ZMYM1: variants seen among roughly 807,000 people sequenced by gnomAD.
ZMYM1 encodes zinc finger MYM-type containing 1.
Under a neutral mutation model 60.0 loss-of-function variants are expected in ZMYM1, and 39 were observed. That is an observed-to-expected ratio of 0.65 (90% CI 0.50 to 0.85). The LOEUF is 0.85. Among genes scored for constraint, ZMYM1 ranks in the 40% least tolerant of loss-of-function variants. ZMYM1 has a pLI of 0.00. For missense variants in ZMYM1, 1,171 were observed against 1,309.5 expected (o/e 0.89, Z 1.63); for synonymous variants, 413 against 454.0 (o/e 0.91, Z 1.15).
At chr1:35,073,295 GAAGA>G (rs1209325792) in intron 1 of ZMYM1, among the ~76,000 whole-genome samples, 2 of 131,866 alleles carry the variant, frequency 1.5e-5, no homozygotes, top group Non-Finnish European at 3.2e-5. Flanking sequence ...GAAAGGAAAG[GAAGA>G]AGGAAGGAAG....
chr1:35,075,418 G>A (rs1642149948), upstream of ZMYM1, among the ~76,000 whole-genome samples: 2 of 151,862 alleles, frequency 1.3e-5, no homozygotes, highest in South Asian at 2.1e-4. Context: ...TGCAACCTCT[G>A]CCTCCTGGGT....
chr1:35,076,663 T>C (rs577010674), upstream of ZMYM1, among the ~76,000 whole-genome samples: 1 of 150,428 alleles, frequency 6.6e-6, no homozygotes, highest in South Asian at 2.1e-4. Flanking sequence ...CCAGGCACGT[T>C]GACTCACGCC....
chr1:35,116,404 T>A (rs186988952), downstream of ZMYM1, among the ~76,000 whole-genome samples: 273 of 152,354 alleles, frequency 1.8e-3, 4 homozygotes, highest in African/African-American at 5.7e-3. Context: ...TATGAAAATA[T>A]AACTATATTT....
intron 7 of ZMYM1, among the ~76,000 whole-genome samples, chr1:35,110,847 T>G (rs2148565924): frequency 6.6e-6 from 1 of 152,156 alleles, no homozygotes; most frequent in Middle Eastern, 3.4e-3. Flanking sequence ...GACAGGAGAA[T>G]CATTTGAACC....
rs1304533751 is a variant in ZMYM1 at position 35,113,120 on chromosome 1, T to C, written c.1290T>C (p.Ser430=). 1 of 1,613,998 alleles carries C rather than the reference T, an allele frequency of 6.2e-7. No homozygotes were observed. Among genetic ancestry groups the C allele is most frequent in the Non-Finnish European group, 8.5e-7 (1 of 1,179,952 alleles). The change falls in exon 10 of 10, where the codon TCT becomes TCC. Residue 430 remains serine (S), a synonymous_variant. Transcript: ENST00000359858. ...STEVQKDNMK[S]MKISDELCHP... ...AAGTACAAAAAGACAATATGAAATC[T>C]ATGAAAATAAGTGATGAACTATGTC... is the stretch of plus-strand genomic sequence containing the variant.
intron 4 of ZMYM1, among the ~76,000 whole-genome samples, chr1:35,101,889 G>A (rs1444494118): frequency 6.6e-6 from 1 of 151,960 alleles, no homozygotes; most frequent in Non-Finnish European, 1.5e-5. Flanking sequence ...AAACTTTCTG[G>A]TCTCAGGACT....
intron 1 of ZMYM1, among the ~76,000 whole-genome samples, chr1:35,088,408 A>C (rs1319925893): frequency 7.0e-6 from 1 of 142,800 alleles, no homozygotes; most frequent in Non-Finnish European, 1.5e-5. Context: ...ACAGAGTGAG[A>C]CTCCATCTCA....
rs772770583 is a variant in ZMYM1, at chr1:35,114,830, A to G, written c.3000A>G (p.Lys1000=). 2 of 1,605,458 alleles carry G rather than the reference A, an allele frequency of 1.2e-6. No homozygotes were observed. Among genetic ancestry groups the G allele is most frequent in the South Asian group, 1.1e-5 (1 of 88,650 alleles). Residue 1000 remains lysine (K), a synonymous_variant, in exon 10 of 10, where the codon AAA becomes AAG. Coordinates refer to ENST00000359858, the MANE Select transcript of ZMYM1 (RefSeq NM_024772.5). ...AGCAAATTTCAGAACTGTTATTTAA[A>G]TGGAATGAACCATTAAATGAAACAA... ...KIKQISELLF[K]WNEPLNETTA...
At chr1:35,107,325 G>A (rs1297007194) in intron 6 of ZMYM1, among the ~76,000 whole-genome samples, 5 of 150,872 alleles carry the variant, frequency 3.3e-5, no homozygotes, top group South Asian at 2.1e-4. Context: ...AAAAATTAGC[G>A]GGGTGTGGTG....
intron 4 of ZMYM1, among the ~76,000 whole-genome samples, chr1:35,099,944 G>A (rs544391512): frequency 1.6e-4 from 24 of 152,154 alleles, no homozygotes; most frequent in African/African-American, 5.1e-4. Flanking sequence ...AGGCCAGAGT[G>A]CAATGGTGCA....
chr1:35,090,467 A>G (rs1642936333), intron 1 of ZMYM1, among the ~76,000 whole-genome samples: 1 of 152,208 alleles, frequency 6.6e-6, no homozygotes, highest in Non-Finnish European at 1.5e-5. Context: ...GCAAACCACC[A>G]TGGCATGTGT....
intron 1 of ZMYM1, among the ~76,000 whole-genome samples, chr1:35,064,693 T>TC (rs1380967838): frequency 6.9e-6 from 1 of 145,876 alleles, no homozygotes; most frequent in East Asian, 2.0e-4. Context: ...TTTCTTTTTT[T>TC]TTTTTTTTTT....
chr1:35,108,699 A>AT (rs771920421), intron 6 of ZMYM1, among the ~76,000 whole-genome samples: 3,616 of 106,700 alleles, frequency 0.034, 144 homozygotes, highest in African/African-American at 0.076. Context: ...TCCATCGGTG[A>AT]TTTTTTTTTT....
chr1:35,060,143 G>GTTGTTATTATTA (rs1240821248), intron 1 of ZMYM1, among the ~76,000 whole-genome samples: 16 of 144,100 alleles, frequency 1.1e-4, no homozygotes, highest in African/African-American at 3.6e-4. Flanking sequence ...ACTATTTGTT[G>GTTGTTATTATTA]TTATTATTAT....
chr1:35,088,805 C>CTTTTTTTTT (rs375136566), intron 1 of ZMYM1, among the ~76,000 whole-genome samples: 20 of 119,602 alleles, frequency 1.7e-4, no homozygotes, highest in Non-Finnish European at 2.0e-4. Flanking sequence ...GGATGCTTTC[C>CTTTTTTTTT]TTTTTTTTTT....
At chr1:35,092,896 A>C (rs1428055703) in intron 1 of ZMYM1, among the ~76,000 whole-genome samples, 1 of 152,114 alleles carries the variant, frequency 6.6e-6, no homozygotes, top group African/African-American at 2.4e-5. Flanking sequence ...GAGTGTTGGG[A>C]TTACAGGCGT....
chr1:35,113,760 T>G lies in ZMYM1; in HGVS notation c.1930T>G (p.Ser644Ala), dbSNP rs763816700. Reference sequence around the variant, plus strand: ...TGAGATCAATGACTCCTCAGCATTTTCAATCATATGTGATGAGACAATCAA... The same window carrying G: ...TGAGATCAATGACTCCTCAGCATTTGCAATCATATGTGATGAGACAATCAA... Reference protein sequence around the residue: ...VNEINDSSAFSIICDETINSA... With the variant: ...VNEINDSSAFAIICDETINSA... Residue 644 changes from serine to alanine, a missense_variant, in exon 10 of 10, where the codon TCA becomes GCA. Transcript: ENST00000359858. The G allele has an allele frequency of 3.3e-5, 53 of 1,613,878 alleles. No homozygotes were observed. Among genetic ancestry groups the G allele is most frequent in the Non-Finnish European group, 4.2e-5 (50 of 1,179,908 alleles).
intron 4 of ZMYM1, among the ~76,000 whole-genome samples, chr1:35,097,850 T>C (rs1223334804): frequency 6.6e-6 from 1 of 152,120 alleles, no homozygotes; most frequent in Non-Finnish European, 1.5e-5. Context: ...TCGTTCGCCA[T>C]GTTGGCCACG....
intron 1 of ZMYM1, among the ~76,000 whole-genome samples, chr1:35,085,462 G>A (rs1642605792): frequency 6.6e-6 from 1 of 152,222 alleles, no homozygotes. Flanking sequence ...AGCAGTATGA[G>A]GACAAGTAAA....
Sources: gnomAD v4.1 joint callset for allele counts (sites outside exome capture counted in the v4.1 genomes callset) on GRCh38, gnomAD v4.1.1 for gene constraint, MANE v1.5 for transcripts, NCBI Gene and HGNC (gene_info 2026-07-23, HGNC 2026-07-21) for gene names.